CNR2: variants seen among roughly 807,000 people sequenced by gnomAD.
The protein encoded by CNR2 is cannabinoid receptor 2 (macrophage).
For missense variants in CNR2, 379 were observed against 439.9 expected (o/e 0.86, Z 1.24); for synonymous variants, 172 against 182.2 (o/e 0.94, Z 0.45).
chr1:23,901,847 T>C lies in CNR2; in HGVS notation c.-46+11399A>G, dbSNP rs1570720066. The C allele has an allele frequency of 7.5e-6, 12 of 1,609,126 alleles. No individual in the cohort carries two copies. In the East Asian group the frequency reaches 2.0e-4, roughly 27 times the overall value. On this transcript the variant is annotated intron_variant, in intron 1 of 1. Transcript: ENST00000374472. ...AAATACCCTTCTGTCCACTGCAAACTGGATGCTGTCGCAGCGCCCGCAGTA... is the reference window on the plus strand; with the variant it reads ...AAATACCCTTCTGTCCACTGCAAACCGGATGCTGTCGCAGCGCCCGCAGTA...
chr1:23,891,641 C>T lies in CNR2; in HGVS notation c.-45-15979G>A, dbSNP rs1320026533. ...TCTCAAAAAAAAAAAAAAAAAAAGC[C>T]CAAATCTTACCTCTTTTTATAACTA... On this transcript the variant is annotated intron_variant, in intron 1 of 1. Coordinates refer to ENST00000374472, the MANE Select transcript of CNR2 (RefSeq NM_001841.3). Among the ~76,000 whole-genome samples, 4 of 80,232 alleles carry T rather than the reference C, an allele frequency of 5.0e-5. No homozygotes were observed. In the Admixed American group the frequency reaches 5.0e-4, roughly 10 times the overall value. 52.6% of individuals were successfully genotyped at this position (80,232 alleles called of 152,430 possible). A position where few individuals can be genotyped will look rare whatever the true frequency, so the allele number is the denominator to read the frequency against.
chr1:23,906,237 C>G (rs566841183), intron 1 of CNR2, among the ~76,000 whole-genome samples: 7 of 152,180 alleles, frequency 4.6e-5, no homozygotes, highest in East Asian at 1.9e-4. Context: ...CCTCCTGCCC[C>G]TTATTAAAGC....
Position 23,874,665 on chromosome 1 carries a change from T to C in CNR2, c.953A>G (p.Lys318Arg). ...SSAHHCLAHW[K>R]KCVRGLGSEA... ...TGACCCAAGGCCCCTCACACACTTC[T>C]TCCAGTGAGCCAGGCAGTGATGGGC... The change falls in exon 2 of 2, where the codon AAG (lysine) becomes AGG (arginine). Residue 318 changes from lysine (K) to arginine (R), a missense_variant. By Grantham distance (26) the Lys-to-Arg change is conservative (BLOSUM62 2). Coordinates refer to ENST00000374472, the MANE Select transcript of CNR2 (RefSeq NM_001841.3). 1 of 1,614,154 alleles carries C rather than the reference T, an allele frequency of 6.2e-7. No homozygotes were observed. The highest frequency in any genetic ancestry group is 8.5e-7 in the Non-Finnish European group (1 of 1,180,030).
intron 1 of CNR2, among the ~76,000 whole-genome samples, chr1:23,906,137 C>T (rs1281933244): frequency 2.0e-5 from 3 of 152,016 alleles, no homozygotes; most frequent in African/African-American, 7.2e-5. Context: ...TCTGCTCCCA[C>T]TCTGATGTTT....
chr1:23,913,004 TA>T (rs1402212379), intron 1 of CNR2, among the ~76,000 whole-genome samples: 9 of 152,076 alleles, frequency 5.9e-5, no homozygotes, highest in African/African-American at 2.2e-4. Context: ...CTGTCTCTAC[TA>T]AAAATACAAA....
chr1:23,881,286 T>C (rs1453380639), intron 1 of CNR2, among the ~76,000 whole-genome samples: 1 of 149,088 alleles, frequency 6.7e-6, no homozygotes, highest in Non-Finnish European at 1.5e-5. Flanking sequence ...AAAAAATATA[T>C]GTAATAATAA....
At position 23,882,434 on chromosome 1, in the gene CNR2, T is replaced by C. The variant is rs114636165; in HGVS notation, c.-45-6772A>G. On this transcript the variant is annotated intron_variant, in intron 1 of 1. Transcript: ENST00000374472. ...AAGGCGATTAGAAGATACTTGGCAT[T>C]GAATGACTACGAAATTGTGAGACAT... Among the ~76,000 whole-genome samples, 635 of 152,276 alleles carry C rather than the reference T, an allele frequency of 4.2e-3. 10 individuals are homozygous for C. The highest frequency in any genetic ancestry group is 0.015 in the African/African-American group (611 of 41,548).
chr1:23,896,485 G>T (rs2148466785), intron 1 of CNR2, among the ~76,000 whole-genome samples: 2 of 152,344 alleles, frequency 1.3e-5, no homozygotes, highest in East Asian at 1.9e-4. Context: ...TCCATGAATG[G>T]CAGCTTATAT....
At chr1:23,905,271 C>T (rs375733968) in intron 1 of CNR2, among the ~76,000 whole-genome samples, 18 of 151,100 alleles carry the variant, frequency 1.2e-4, no homozygotes, top group African/African-American at 4.1e-4. Context: ...ACCTCCGCCT[C>T]CCGGGTTCAA....
In CNR2 at chr1:23,906,657, C is replaced by T. The variant is rs143442743; in HGVS notation, c.-46+6589G>A. ...AGCACTTCCCAAAGTGCTGGGATTA[C>T]AGGCGTGAGCCACCGCACCCGGCCA... On this transcript the variant is annotated intron_variant, in intron 1 of 1. Transcript: ENST00000374472. 1.7e-4 allele frequency among the ~76,000 whole-genome samples: 26 copies of T among 150,986 alleles called. No individual in the cohort carries two copies. The East Asian group carries it at 2.4e-3, about 14-fold the overall frequency.
chr1:23,902,349 C>G, intron 1 of CNR2: 2 of 1,575,624 alleles, frequency 1.3e-6, no homozygotes. Context: ...CTCAAACAGC[C>G]GGCTCTGGGA....
In CNR2 at chr1:23,871,995, T is replaced by C. The variant is rs936789563; in HGVS notation, c.*2540A>G. The C allele has an allele frequency of 4.0e-5, 6 of 151,614 alleles. No individual in the cohort carries two copies. Among genetic ancestry groups the C allele is most frequent in the African/African-American group, 1.5e-4 (6 of 41,210 alleles). The allele number at this position is 151,614 out of a possible 1,614,324, so 9.4% of individuals were successfully genotyped here. A position where few individuals can be genotyped will look rare whatever the true frequency, so the allele number is the denominator to read the frequency against. ...TAAAAATACAAAAATTAGCTGAGTG[T>C]GGTGGCGGGTGCCTGTAGTCCCAGC... On this transcript the variant is annotated 3_prime_UTR_variant, in exon 2 of 2. Coordinates refer to ENST00000374472, the MANE Select transcript of CNR2 (RefSeq NM_001841.3).
intron 1 of CNR2, among the ~76,000 whole-genome samples, chr1:23,895,224 A>G (rs922116356): frequency 3.3e-5 from 5 of 152,196 alleles, no homozygotes; most frequent in Admixed American, 2.6e-4. Context: ...CAGAAAAAAA[A>G]AGAAAAGAAA....
At chr1:23,880,679 C>T (rs886108674) in intron 1 of CNR2, among the ~76,000 whole-genome samples, 3 of 151,848 alleles carry the variant, frequency 2.0e-5, no homozygotes, top group Non-Finnish European at 4.4e-5. Flanking sequence ...GATTCTCCTG[C>T]TTCAGCTTCC....
chr1:23,902,695 G>A (rs1640421304), intron 1 of CNR2: 2 of 1,592,794 alleles, frequency 1.3e-6, no homozygotes, highest in East Asian at 2.2e-5. Flanking sequence ...TCGGCCACGA[G>A]CTCGTTGTTG....
intron 1 of CNR2, among the ~76,000 whole-genome samples, chr1:23,906,179 C>G (rs1002901026): frequency 6.6e-6 from 1 of 152,086 alleles, no homozygotes; most frequent in African/African-American, 2.4e-5. Context: ...TGTCTTCCCC[C>G]CTCAGACTCT....
At chr1:23,883,757 G>A (rs897659047) in intron 1 of CNR2, among the ~76,000 whole-genome samples, 1 of 152,048 alleles carries the variant, frequency 6.6e-6, no homozygotes, top group African/African-American at 2.4e-5. Context: ...CCCGGGAGGC[G>A]GAGGTTGCAG....
intron 1 of CNR2, among the ~76,000 whole-genome samples, chr1:23,896,352 A>G (rs1268106895): frequency 6.6e-6 from 1 of 152,196 alleles, no homozygotes; most frequent in Non-Finnish European, 1.5e-5. Context: ...CATCTCTTTC[A>G]TTCAGTTCCC....
rs768416819 is a variant in CNR2 at position 23,875,243 on chromosome 1, C to T, written c.375G>A (p.Leu125=). ...AGAGGTATCGGTCAATGGCGGTCAG[C>T]AGGAGGCTACCCACAGAGGCTGTGA... is the stretch of plus-strand genomic sequence containing the variant. ...MTFTASVGSL[L]LTAIDRYLCL... The change falls in exon 2 of 2, where the codon CTG becomes CTA. Residue 125 remains leucine, a synonymous_variant. Transcript: ENST00000374472. The T allele has an allele frequency of 1.1e-5, 17 of 1,614,160 alleles. No individual in the cohort carries two copies. The East Asian group carries it at 3.8e-4, about 36-fold the overall frequency.
Sources: allele counts gnomAD v4.1 joint callset (sites outside exome capture counted in the v4.1 genomes callset), GRCh38; gene constraint gnomAD v4.1.1; transcripts MANE v1.5; gene names NCBI Gene and HGNC (gene_info 2026-07-23, HGNC 2026-07-21).